The following TECRL variants were observed in gnomAD, a reference collection of about 807,000 sequenced individuals.
TECRL encodes the protein trans-2,3-enoyl-CoA reductase like, also known as trans-2,3-enoyl-CoA reductase-like.
A neutral mutation model predicts 52.8 loss-of-function variants in TECRL; 63 were observed. The ratio of observed to expected loss-of-function variants is 1.19; its 90% CI spans 0.97 to 1.47. TECRL has a LOEUF of 1.47. Among genes scored for constraint, TECRL ranks in the 40% most tolerant of loss-of-function variants. TECRL has a pLI of 0.00. For synonymous variants in TECRL, 164 were observed against 141.9 expected (o/e 1.16, Z -1.10); for missense variants, 482 against 429.6 (o/e 1.12, Z -1.08).
At chr4:64,318,000 A>G (rs1436800343) in intron 4 of TECRL, among the ~76,000 whole-genome samples, 1 of 152,194 alleles carries the variant, frequency 6.6e-6, no homozygotes, top group African/African-American at 2.4e-5. Context: ...CAGATTCTAA[A>G]GCTCAACCTA....
intron 2 of TECRL, among the ~76,000 whole-genome samples, chr4:64,353,432 TGG>T (rs1720539854): frequency 6.6e-6 from 1 of 152,124 alleles, no homozygotes; most frequent in Non-Finnish European, 1.5e-5. Flanking sequence ...ACTTGAACTG[TGG>T]TTGTTATAAT....
chr4:64,327,777 G>A (rs1718363051), intron 3 of TECRL, among the ~76,000 whole-genome samples: 1 of 151,870 alleles, frequency 6.6e-6, no homozygotes, highest in Non-Finnish European at 1.5e-5. Context: ...ATACCTAAGA[G>A]AGGGCAACCT....
intron 3 of TECRL, among the ~76,000 whole-genome samples, chr4:64,323,089 T>C (rs774047719): frequency 2.6e-5 from 4 of 152,034 alleles, no homozygotes; most frequent in Non-Finnish European, 5.9e-5. Context: ...ACAAATAACA[T>C]ACAGGAATTT....
At chr4:64,281,327 T>A (rs1423409824) in intron 10 of TECRL, 147 bp downstream of exon 10, 4 of 587,016 alleles carry the variant, frequency 6.8e-6, no homozygotes, top group African/African-American at 3.8e-5. Context: ...GTGATTGAAA[T>A]GTTCTATTTT....
chr4:64,279,228 T>G lies in TECRL; in HGVS notation c.*844A>C, dbSNP rs971853839. The G allele has an allele frequency of 1.3e-5, 2 of 152,078 alleles. No homozygotes were observed. Among genetic ancestry groups the G allele is most frequent in the Admixed American group, 1.3e-4 (2 of 15,232 alleles). 9.4% of individuals were successfully genotyped at this position (152,078 alleles called of 1,614,324 possible). ...CACCAGCAGTGTCTAAGAGTTCTTTTTTTTTTCCCGCATCTTCACCAATAT... is the reference window on the plus strand; with the variant it reads ...CACCAGCAGTGTCTAAGAGTTCTTTGTTTTTTCCCGCATCTTCACCAATAT... On this transcript the variant is annotated 3_prime_UTR_variant, in exon 12 of 12. Transcript: ENST00000381210.
chr4:64,356,474 G>T (rs1362229446), intron 2 of TECRL, among the ~76,000 whole-genome samples: 2 of 152,200 alleles, frequency 1.3e-5, no homozygotes, highest in Non-Finnish European at 2.9e-5. Flanking sequence ...GGCAGGACAT[G>T]TCGGCAGCAA....
chr4:64,346,326 TG>T (rs1480114198), intron 2 of TECRL, among the ~76,000 whole-genome samples: 1 of 152,236 alleles, frequency 6.6e-6, no homozygotes, highest in Non-Finnish European at 1.5e-5. Context: ...GTACTTTGTG[TG>T]GTGGCTCCGA....
chr4:64,347,445 T>G (rs1720068603), intron 2 of TECRL, among the ~76,000 whole-genome samples: 1 of 152,182 alleles, frequency 6.6e-6, no homozygotes, highest in Admixed American at 6.5e-5. Flanking sequence ...CCTTTATAAC[T>G]TCCTGTATTA....
chr4:64,391,420 C>A (rs1386640091), intron 1 of TECRL, among the ~76,000 whole-genome samples: 1 of 151,782 alleles, frequency 6.6e-6, no homozygotes, highest in Non-Finnish European at 1.5e-5. Flanking sequence ...GCATGATTGT[C>A]TCAGAGTAAT....
At chr4:64,324,143 C>T (rs978884142) in intron 3 of TECRL, among the ~76,000 whole-genome samples, 1 of 151,946 alleles carries the variant, frequency 6.6e-6, no homozygotes, top group Non-Finnish European at 1.5e-5. Flanking sequence ...GTAAAATAAA[C>T]ATAATTGACT....
At chr4:64,313,137 T>C (rs1490885604) in intron 5 of TECRL, among the ~76,000 whole-genome samples, 3 of 152,204 alleles carry the variant, frequency 2.0e-5, no homozygotes, top group Admixed American at 6.5e-5. Flanking sequence ...AGGAGGTCAG[T>C]GTGGCTGGAG....
intron 2 of TECRL, among the ~76,000 whole-genome samples, chr4:64,348,174 A>C (rs1299882325): frequency 1.3e-5 from 2 of 152,162 alleles, no homozygotes; most frequent in Non-Finnish European, 2.9e-5. Context: ...TCATGGTTCC[A>C]CATGGCTGAG....
rs78416611 is a variant in TECRL, at chr4:64,321,653, A to C, written c.435+1036T>G. On this transcript the variant is annotated intron_variant, in intron 4 of 11. Coordinates refer to ENST00000381210, the MANE Select transcript of TECRL (RefSeq NM_001010874.5). ...ATTCCATTGATTTATTCTATTACCC[A>C]TGAGTGTTTCAATACTGTGCACTAG... 5.8e-4 allele frequency among the ~76,000 whole-genome samples: 89 copies of C among 152,236 alleles called. 1 individual carries two copies. The East Asian group carries it at 0.016, about 28-fold the overall frequency.
intron 2 of TECRL, among the ~76,000 whole-genome samples, chr4:64,371,004 A>G (rs1025083488): frequency 6.6e-6 from 1 of 151,648 alleles, no homozygotes; most frequent in Non-Finnish European, 1.5e-5. Flanking sequence ...ATTTTCACAC[A>G]CTATTTTTTT....
chr4:64,322,111 C>T (rs1263428124), intron 4 of TECRL, among the ~76,000 whole-genome samples: 1 of 152,104 alleles, frequency 6.6e-6, no homozygotes, highest in African/African-American at 2.4e-5. Context: ...AAGCTCATTC[C>T]TCAGGAGAGA....
At chr4:64,378,108 A>G (rs1337517748) in intron 1 of TECRL, among the ~76,000 whole-genome samples, 1 of 152,138 alleles carries the variant, frequency 6.6e-6, no homozygotes, top group East Asian at 1.9e-4. Flanking sequence ...AGTGGTGTGA[A>G]AATGCAGACA....
chr4:64,317,218 C>A (rs1717562567), intron 4 of TECRL, among the ~76,000 whole-genome samples: 1 of 152,012 alleles, frequency 6.6e-6, no homozygotes, highest in East Asian at 1.9e-4. Flanking sequence ...GCGGAGCTTG[C>A]AGTGAGCCAA....
chr4:64,360,868 T>TCCCC (rs1171609499), intron 2 of TECRL, among the ~76,000 whole-genome samples: 1 of 152,114 alleles, frequency 6.6e-6, no homozygotes, highest in Non-Finnish European at 1.5e-5. Flanking sequence ...TAGAACTTCC[T>TCCCC]GGGGAATTGG....
chr4:64,334,003 C>T (rs1029656746), intron 2 of TECRL, among the ~76,000 whole-genome samples: 2 of 89,506 alleles, frequency 2.2e-5, no homozygotes, highest in Non-Finnish European at 4.2e-5. Context: ...CGCAGTCCGG[C>T]CTGGGCGACA....
Sources: allele counts gnomAD v4.1 joint callset (sites outside exome capture counted in the v4.1 genomes callset), GRCh38; gene constraint gnomAD v4.1.1; transcripts MANE v1.5; gene names NCBI Gene and HGNC (gene_info 2026-07-23, HGNC 2026-07-21).